Variants in PCDH17 observed in about 807,000 individuals in gnomAD.
PCDH17 encodes the protein protocadherin-17.
PCDH17 carries 21 observed loss-of-function variants against 67.7 expected under a neutral mutation model. The ratio of observed to expected loss-of-function variants is 0.31; its 90% CI spans 0.22 to 0.45. The LOEUF (loss-of-function observed/expected upper bound fraction) is 0.45. Ranked by LOEUF, PCDH17 falls within the 20% of genes least tolerant of loss-of-function variation. The pLI, the probability that PCDH17 is intolerant of heterozygous loss-of-function variation, is 1.00. For synonymous variants in PCDH17, 701 were observed against 656.7 expected (o/e 1.07, Z -1.03); for missense variants, 1,471 against 1,564.8 (o/e 0.94, Z 1.01).
At chr13:57,697,530 C>T (rs1955621960) in intron 3 of PCDH17, among the ~76,000 whole-genome samples, 1 of 151,606 alleles carries the variant, frequency 6.6e-6, no homozygotes, top group Non-Finnish European at 1.5e-5. Context: ...TGCTGTGTTA[C>T]CATTGTTATC....
At chr13:57,697,645 CTA>C (rs1955623513) in intron 3 of PCDH17, among the ~76,000 whole-genome samples, 1 of 151,422 alleles carries the variant, frequency 6.6e-6, no homozygotes, top group Non-Finnish European at 1.5e-5. Context: ...TATACGCTTT[CTA>C]TAGAGTCAAA....
At chr13:57,647,088 A>G (rs1954974462) in intron 1 of PCDH17, among the ~76,000 whole-genome samples, 1 of 151,816 alleles carries the variant, frequency 6.6e-6, no homozygotes, top group Non-Finnish European at 1.5e-5. Context: ...GCTTTCTTTT[A>G]AAAAATACAG....
At chr13:57,651,332 TGATA>T (rs959470972) in intron 1 of PCDH17, among the ~76,000 whole-genome samples, 2 of 151,330 alleles carry the variant, frequency 1.3e-5, no homozygotes, top group African/African-American at 2.4e-5. Context: ...AGTTACTCTC[TGATA>T]GATAGGTGGT....
chr13:57,687,701 ATAAC>A (rs768481015), intron 3 of PCDH17, among the ~76,000 whole-genome samples: 29 of 152,048 alleles, frequency 1.9e-4, no homozygotes, highest in Non-Finnish European at 5.9e-5. Flanking sequence ...AATATATAAA[ATAAC>A]TAACTATTAA....
chr13:57,671,293 G>A (rs1201097525), intron 3 of PCDH17, among the ~76,000 whole-genome samples: 1 of 150,850 alleles, frequency 6.6e-6, no homozygotes, highest in Non-Finnish European at 1.5e-5. Context: ...GAAAACCATG[G>A]AATATTGAGA....
chr13:57,632,358 G>T lies in PCDH17; in HGVS notation c.-189G>T. On this transcript the variant is annotated 5_prime_UTR_variant, in exon 1 of 4. Transcript: ENST00000377918. The stretch of plus-strand genomic sequence containing the variant: ...CAGTGCGGATGCTGTAGATCAACAG[G>T]TTCAGGGAACTTGAGCAGAATAAGG... 1 of 615,076 alleles carries T rather than the reference G, an allele frequency of 1.6e-6. No homozygotes were observed. Among genetic ancestry groups the T allele is most frequent in the Non-Finnish European group, 2.8e-6 (1 of 351,226 alleles). The allele number at this position is 615,076 out of a possible 1,614,324, so 38.1% of individuals were successfully genotyped here.
At chr13:57,667,935 A>G (rs1322582410) in intron 3 of PCDH17, among the ~76,000 whole-genome samples, 1 of 149,364 alleles carries the variant, frequency 6.7e-6, no homozygotes, top group Non-Finnish European at 1.5e-5. Flanking sequence ...TTAAATATAT[A>G]TTAATATTTT....
rs775243804 is a variant in PCDH17, at chr13:57,633,897, C to G, written c.1351C>G (p.Pro451Ala). Residue 451 changes from proline (P) to alanine (A), a missense_variant, in exon 1 of 4, where the codon CCC (proline) becomes GCC (alanine). Coordinates refer to ENST00000377918, the MANE Select transcript of PCDH17 (RefSeq NM_001040429.3). The surrounding 1 kb of genome is among the most constrained non-coding windows in gnomAD (Gnocchi z 6.2). Reference sequence around the variant, plus strand: ...CGTGGCGCGGGACGGGGGCTCTCCTCCCCTCAACTCCACCAAGTCGTTCGC... The same window carrying G: ...CGTGGCGCGGGACGGGGGCTCTCCTGCCCTCAACTCCACCAAGTCGTTCGC... The part of the protein sequence containing the change: ...TIVARDGGSP[P>A]LNSTKSFAIK... The G allele has an allele frequency of 6.2e-7, 1 of 1,613,118 alleles. No homozygotes were observed. The highest frequency in any genetic ancestry group is 1.7e-5 in the Admixed American group (1 of 60,012).
Position 57,650,478 on chromosome 13 carries a change from TTTC to T in PCDH17, c.2565+15368_2565+15370del, listed in dbSNP as rs375253779. Among the ~76,000 whole-genome samples the T allele has an allele frequency of 5.9e-5, 9 of 152,172 alleles. No homozygotes were observed. The East Asian group carries it at 1.7e-3, about 29-fold the overall frequency. On this transcript the variant is annotated intron_variant, in intron 1 of 3. Transcript: ENST00000377918. The stretch of plus-strand genomic sequence containing the variant: ...TGTTTGATTTTTAGCAAGTCAATAG[TTTC>T]CCTACAAAAAGATACTTTAATCCTG...
At chr13:57,710,306 A>C (rs1955763924) in intron 3 of PCDH17, among the ~76,000 whole-genome samples, 2 of 151,908 alleles carry the variant, frequency 1.3e-5, no homozygotes. Context: ...TTGTGAAAAT[A>C]CGTTAAAGGC....
chr13:57,681,334 T>C (rs1296031384), intron 3 of PCDH17, among the ~76,000 whole-genome samples: 1 of 151,864 alleles, frequency 6.6e-6, no homozygotes, highest in Non-Finnish European at 1.5e-5. Context: ...TTGAACCTTA[T>C]TCTTTATAAC....
chr13:57,675,877 G>A (rs1179629884), intron 3 of PCDH17, among the ~76,000 whole-genome samples: 1 of 151,858 alleles, frequency 6.6e-6, no homozygotes, highest in Admixed American at 6.6e-5. Flanking sequence ...AGGAAGCTTG[G>A]GAAGTAGTCC....
chr13:57,700,465 C>T (rs1593937691), intron 3 of PCDH17, among the ~76,000 whole-genome samples: 1 of 151,896 alleles, frequency 6.6e-6, no homozygotes, highest in Non-Finnish European at 1.5e-5. Flanking sequence ...ACTACAGGCG[C>T]GTGCCACCAT....
At chr13:57,664,094 G>A (rs1205780187) in intron 1 of PCDH17, among the ~76,000 whole-genome samples, 1 of 151,858 alleles carries the variant, frequency 6.6e-6, no homozygotes. Context: ...ATCAAGATGG[G>A]GTCTCAATAC....
intron 3 of PCDH17, among the ~76,000 whole-genome samples, chr13:57,701,993 C>CTGCA (rs2138076572): frequency 6.6e-6 from 1 of 152,172 alleles, no homozygotes; most frequent in East Asian, 1.9e-4. Context: ...TCTCGGCTCA[C>CTGCA]TGCAACCTCT....
intron 1 of PCDH17, among the ~76,000 whole-genome samples, chr13:57,660,306 A>T (rs1955167970): frequency 6.6e-6 from 1 of 152,144 alleles, no homozygotes. Flanking sequence ...TGGTGTGATT[A>T]AATAGATATT....
intron 3 of PCDH17, among the ~76,000 whole-genome samples, chr13:57,677,587 G>A (rs904454836): frequency 2.6e-5 from 4 of 151,790 alleles, no homozygotes; most frequent in African/African-American, 4.8e-5. Context: ...GAAAGCCATA[G>A]TCAGTAAGGA....
chr13:57,687,831 A>G (rs1193285024), intron 3 of PCDH17, among the ~76,000 whole-genome samples: 2 of 152,034 alleles, frequency 1.3e-5, no homozygotes, highest in African/African-American at 4.8e-5. Context: ...CTCTGTCACT[A>G]CTGTCCAAGG....
intron 3 of PCDH17, among the ~76,000 whole-genome samples, chr13:57,689,710 C>A (rs1043603260): frequency 1.3e-5 from 2 of 151,834 alleles, no homozygotes; most frequent in Non-Finnish European, 2.9e-5. Context: ...TTTATCTTAA[C>A]ACTTAGCATT....
Sources: allele counts gnomAD v4.1 joint callset (sites outside exome capture counted in the v4.1 genomes callset), GRCh38; gene constraint gnomAD v4.1.1; non-coding constraint Gnocchi (gnomAD v3.1); transcripts MANE v1.5; gene names NCBI Gene and HGNC (gene_info 2026-07-23, HGNC 2026-07-21).